The following SORCS2 variants were observed in gnomAD, a reference collection of about 807,000 sequenced individuals.
SORCS2 encodes VPS10 domain-containing receptor SorCS2.
A neutral mutation model predicts 141.6 loss-of-function variants in SORCS2; 100 were observed. The ratio of observed to expected loss-of-function variants is 0.71; its 90% CI spans 0.60 to 0.83. SORCS2 has a LOEUF of 0.83. SORCS2 is among the 40% of genes least tolerant of loss of function. SORCS2 has a pLI of 0.00. For synonymous variants in SORCS2, 789 were observed against 676.9 expected, an observed-to-expected ratio of 1.17 and a Z score of -2.57; for missense variants, 1,646 against 1,560.2, an observed-to-expected ratio of 1.05 and a Z score of -0.93.
intron 2 of SORCS2, among the ~76,000 whole-genome samples, chr4:7,406,360 A>G (rs1312278784): frequency 1.0e-5 from 1 of 99,302 alleles, no homozygotes. Flanking sequence ...AAACCATTGG[A>G]TCCTAGGCTT....
At chr4:7,482,578 CTG>C (rs1730713531) in intron 2 of SORCS2, among the ~76,000 whole-genome samples, 1 of 91,300 alleles carries the variant, frequency 1.1e-5, no homozygotes, top group African/African-American at 6.2e-5. Flanking sequence ...TGTATCCCCA[CTG>C]CGGACACCCC....
At chr4:7,424,266 A>G (rs974868140) in intron 2 of SORCS2, among the ~76,000 whole-genome samples, 4 of 152,108 alleles carry the variant, frequency 2.6e-5, no homozygotes, top group African/African-American at 9.7e-5. Flanking sequence ...CCTCGTCTGA[A>G]GGGTAGGGTG....
At chr4:7,345,722 A>C (rs936674879) in intron 1 of SORCS2, among the ~76,000 whole-genome samples, 51 of 152,322 alleles carry the variant, frequency 3.3e-4, no homozygotes, top group African/African-American at 1.2e-3. Flanking sequence ...TTGGGGTGGA[A>C]TCCAAGCACA....
intron 2 of SORCS2, among the ~76,000 whole-genome samples, chr4:7,516,502 G>C (rs149533544): frequency 1.3e-5 from 2 of 152,154 alleles, no homozygotes; most frequent in Non-Finnish European, 2.9e-5. Flanking sequence ...AGAACGCCGG[G>C]TGTTTGGCTG....
intron 1 of SORCS2, among the ~76,000 whole-genome samples, chr4:7,223,078 AAAC>A (rs1728803604): frequency 6.6e-6 from 1 of 152,196 alleles, no homozygotes; most frequent in Non-Finnish European, 1.5e-5. Flanking sequence ...ATTGTATTAA[AAAC>A]AACAACCAAC....
chr4:7,221,181 C>T (rs1389955187), intron 1 of SORCS2, among the ~76,000 whole-genome samples: 2 of 152,160 alleles, frequency 1.3e-5, no homozygotes, highest in African/African-American at 4.8e-5. Flanking sequence ...CAAATATTAT[C>T]ACCTTTCTTT....
intron 3 of SORCS2, among the ~76,000 whole-genome samples, chr4:7,573,022 A>T (rs1715502049): frequency 6.6e-6 from 1 of 152,210 alleles, no homozygotes; most frequent in African/African-American, 2.4e-5. Context: ...CTTATTATCA[A>T]AGTGGCTGTT....
At chr4:7,283,962 G>T (rs941980475) in intron 1 of SORCS2, among the ~76,000 whole-genome samples, 2 of 152,182 alleles carry the variant, frequency 1.3e-5, no homozygotes, top group African/African-American at 2.4e-5. Context: ...ATCTGAGTTT[G>T]TAGGATCCTT....
At chr4:7,554,153 A>C (rs990679329) in intron 3 of SORCS2, among the ~76,000 whole-genome samples, 4 of 152,126 alleles carry the variant, frequency 2.6e-5, no homozygotes, top group African/African-American at 9.7e-5. Context: ...TGATCTCCTA[A>C]GGGGGCACTA....
chr4:7,529,209 G>T lies in SORCS2; in HGVS notation c.549-2321G>T, dbSNP rs143644245. On this transcript the variant is annotated intron_variant, in intron 2 of 26. Transcript: ENST00000507866. ...ACCTCTCTCCTTCCTTCCAGACTCT[G>T]TGCAAACATCACCTTGTCTAAGGGG... is the stretch of plus-strand genomic sequence containing the variant. 7.9e-5 allele frequency among the ~76,000 whole-genome samples: 12 copies of T among 152,210 alleles called. No individual in the cohort carries two copies. In the South Asian group the frequency reaches 2.5e-3, roughly 32 times the overall value.
At chr4:7,440,860 G>T (rs1048435013) in intron 2 of SORCS2, among the ~76,000 whole-genome samples, 1 of 152,230 alleles carries the variant, frequency 6.6e-6, no homozygotes. Flanking sequence ...GCTGGGAGCT[G>T]CGGGGTGAGG....
At chr4:7,602,172 T>C (rs1186941063) in intron 3 of SORCS2, among the ~76,000 whole-genome samples, 3 of 152,252 alleles carry the variant, frequency 2.0e-5, no homozygotes, top group Non-Finnish European at 2.9e-5. Context: ...CCGTTCTCAA[T>C]GGGCTGCTGG....
intron 10 of SORCS2, among the ~76,000 whole-genome samples, chr4:7,683,606 G>C (rs1340926559): frequency 6.6e-6 from 1 of 152,190 alleles, no homozygotes; most frequent in Admixed American, 6.5e-5. Context: ...AATCTTACTG[G>C]TCAACATCAA....
Position 7,244,923 on chromosome 4 carries a change from C to T in SORCS2, c.480+51797C>T, listed in dbSNP as rs370824312. ...CTGAGTACCCAGCCCAGCCCGCCGC[C>T]CCTTCCTTGGCCAATTGGCTGAGAA... On this transcript the variant is annotated intron_variant, in intron 1 of 26. Transcript: ENST00000507866. 3.3e-5 allele frequency among the ~76,000 whole-genome samples: 5 copies of T among 152,308 alleles called. No individual in the cohort carries two copies. In the East Asian group the frequency reaches 9.7e-4, roughly 29 times the overall value.
rs117686592 is a variant in SORCS2 at position 7,610,326 on chromosome 4, G to C, written c.649-28002G>C. 4.5e-4 allele frequency among the ~76,000 whole-genome samples: 69 copies of C among 152,252 alleles called. No homozygotes were observed. The East Asian group carries it at 9.9e-3, about 22-fold the overall frequency. ...GCCAGTTAAATGAGGACACTCATGA[G>C]GGACGAGGATGTGGGCTGAGCTCCA... On this transcript the variant is annotated intron_variant, in intron 3 of 26. Transcript: ENST00000507866.
At chr4:7,390,297 T>C (rs1723772131) in intron 1 of SORCS2, among the ~76,000 whole-genome samples, 1 of 152,338 alleles carries the variant, frequency 6.6e-6, no homozygotes, top group African/African-American at 2.4e-5. Flanking sequence ...TGATGATTCT[T>C]GAGCCTCCGA....
At chr4:7,223,598 C>T (rs1414810546) in intron 1 of SORCS2, among the ~76,000 whole-genome samples, 1 of 152,164 alleles carries the variant, frequency 6.6e-6, no homozygotes. Context: ...GGTCAAAAGT[C>T]AGGAATGGGG....
intron 2 of SORCS2, among the ~76,000 whole-genome samples, chr4:7,404,450 C>T (rs1209571484): frequency 6.6e-6 from 1 of 152,110 alleles, no homozygotes; most frequent in African/African-American, 2.4e-5. Context: ...AGAGTCTGTA[C>T]TAACTTATAT....
chr4:7,475,388 A>G (rs1477301932), intron 2 of SORCS2, among the ~76,000 whole-genome samples: 1 of 152,148 alleles, frequency 6.6e-6, no homozygotes, highest in Admixed American at 6.5e-5. Context: ...TCCAAGTGTG[A>G]GGAGGCCCGG....
Sources: gnomAD v4.1 joint callset for allele counts (sites outside exome capture counted in the v4.1 genomes callset) on GRCh38, gnomAD v4.1.1 for gene constraint, MANE v1.5 for transcripts, NCBI Gene and HGNC (gene_info 2026-07-23, HGNC 2026-07-21) for gene names.